The following SRCIN1 variants were observed in gnomAD, a reference collection of about 807,000 sequenced individuals.
SRCIN1 encodes SRC kinase signaling inhibitor 1.
A neutral mutation model predicts 116.2 loss-of-function variants in SRCIN1; 50 were observed. The observed-to-expected ratio is 0.43, with a 90% CI of 0.34 to 0.54. SRCIN1 has a LOEUF of 0.54. SRCIN1 is among the 20% of genes least tolerant of loss of function. The pLI, the probability that SRCIN1 is intolerant of heterozygous loss-of-function variation, is 0.02. For synonymous variants in SRCIN1, 736 were observed against 750.0 expected (o/e 0.98, Z 0.30); for missense variants, 1,446 against 1,672.0 (o/e 0.86, Z 2.36).
chr17:38,596,206 G>T (rs913035244), intron 1 of SRCIN1, among the ~76,000 whole-genome samples: 1 of 152,244 alleles, frequency 6.6e-6, no homozygotes, highest in African/African-American at 2.4e-5. Flanking sequence ...GCTGGAGAGA[G>T]GAGGGGGCCG....
At chr17:38,587,938 CT>C (rs142051282) in intron 1 of SRCIN1, among the ~76,000 whole-genome samples, 4,368 of 152,194 alleles carry the variant, frequency 0.029, 227 homozygotes, top group African/African-American at 0.098. Context: ...TGCCCCTCCT[CT>C]TTCACACACA....
chr17:38,533,179 G>C lies in SRCIN1; in HGVS notation c.*118C>G. On this transcript the variant is annotated 3_prime_UTR_variant, in exon 19 of 19. Coordinates refer to ENST00000617146, the MANE Select transcript of SRCIN1 (RefSeq NM_025248.3). ...AGGAGGGCCGCACCCTCCTCTTCAG[G>C]GCACACCCCTCAGGGCGTCTGGAGA... is the stretch of plus-strand genomic sequence containing the variant. 2 of 1,350,138 alleles carry C rather than the reference G, an allele frequency of 1.5e-6. No homozygotes were observed. Among genetic ancestry groups the C allele is most frequent in the South Asian group, 3.2e-5 (2 of 63,230 alleles). 83.6% of individuals were successfully genotyped at this position (1,350,138 alleles called of 1,614,324 possible). A position where few individuals can be genotyped will look rare whatever the true frequency, so the allele number is the denominator to read the frequency against.
chr17:38,537,343 A>C (rs1904450632), intron 18 of SRCIN1, among the ~76,000 whole-genome samples: 1 of 151,894 alleles, frequency 6.6e-6, no homozygotes, highest in African/African-American at 2.4e-5. Context: ...TCTATCAAAA[A>C]TACAAAAAAT....
In SRCIN1 at chr17:38,585,337, G is replaced by A. The variant is rs1254485591; in HGVS notation, c.23-6546C>T. On this transcript the variant is annotated intron_variant, in intron 1 of 18. Transcript: ENST00000617146. The surrounding 1 kb of genome is among the most constrained non-coding windows in gnomAD (Gnocchi z 4.2). Reference sequence around the variant, plus strand: ...TGCAGCCAATGCTACAGGAGCCCAAGTCAGCCAGGAGGAGCCCCGAGGCAC... The same window carrying A: ...TGCAGCCAATGCTACAGGAGCCCAAATCAGCCAGGAGGAGCCCCGAGGCAC... Among the ~76,000 whole-genome samples the A allele has an allele frequency of 1.3e-5, 2 of 152,270 alleles. No homozygotes were observed. Among genetic ancestry groups the A allele is most frequent in the African/African-American group, 4.8e-5 (2 of 41,476 alleles).
At chr17:38,575,214 A>G (rs1300832699) in intron 2 of SRCIN1, among the ~76,000 whole-genome samples, 4 of 152,176 alleles carry the variant, frequency 2.6e-5, no homozygotes, top group Admixed American at 2.6e-4. Context: ...AGCCCAGGGC[A>G]GGGCCTTCCC....
At chr17:38,560,567 A>C in intron 7 of SRCIN1, 142 bp from the exon 8 acceptor site, 1 of 670,188 alleles carries the variant, frequency 1.5e-6, no homozygotes, top group Non-Finnish European at 2.6e-6. Flanking sequence ...AAGGGCCCCA[A>C]TGCCTAAGGA....
At chr17:38,595,437 C>T (rs539546061) in intron 1 of SRCIN1, among the ~76,000 whole-genome samples, 1 of 152,254 alleles carries the variant, frequency 6.6e-6, no homozygotes, top group East Asian at 1.9e-4. Flanking sequence ...AGGCTGGTCT[C>T]GAACTCCTGA....
At chr17:38,543,616 G>A (rs1280595361) in intron 18 of SRCIN1, among the ~76,000 whole-genome samples, 1 of 152,188 alleles carries the variant, frequency 6.6e-6, no homozygotes, top group Non-Finnish European at 1.5e-5. Context: ...GAACTCATGT[G>A]CTAATCTAGA....
chr17:38,597,681 C>G (rs1029767612), intron 1 of SRCIN1, among the ~76,000 whole-genome samples: 1 of 152,182 alleles, frequency 6.6e-6, no homozygotes, highest in Non-Finnish European at 1.5e-5. Flanking sequence ...GACTGTAGAC[C>G]CTAAGCTCTT....
In SRCIN1 at chr17:38,578,813, C is replaced by T. The variant is rs1318248299; in HGVS notation, c.23-22G>A. ...GGATCTGCGAGAGGTGAGAGGGGCA[C>T]GGCTGGGTCACGGCGCGCCCGGCCT... is the stretch of plus-strand genomic sequence containing the variant. On this transcript the variant is annotated intron_variant, in intron 1 of 18. Transcript: ENST00000617146. The T allele has an allele frequency of 1.4e-5, 21 of 1,461,828 alleles. No individual in the cohort carries two copies. The South Asian group carries it at 2.5e-4, about 17-fold the overall frequency. The allele number at this position is 1,461,828 out of a possible 1,614,324, so 90.6% of individuals were successfully genotyped here. A position where few individuals can be genotyped will look rare whatever the true frequency, so the allele number is the denominator to read the frequency against.
chr17:38,606,193 A>G (rs975202515), upstream of SRCIN1, among the ~76,000 whole-genome samples: 1 of 151,392 alleles, frequency 6.6e-6, no homozygotes, highest in Non-Finnish European at 1.5e-5. The surrounding 1 kb of genome is among the most constrained non-coding windows in gnomAD (Gnocchi z 5.2). Flanking sequence ...GTCCCACCCC[A>G]AGTAGTCTTC....
Position 38,578,769 on chromosome 17 carries a change from G to C in SRCIN1, c.45C>G (p.Pro15=), listed in dbSNP as rs1255437268. ...PSQDPERSSP[P]MLSADDAEYP... Reference sequence around the variant, plus strand: ...ACTCCGCATCGTCCGCAGACAGCATGGGGGGGCTGCTCCGCTCCGGATCTG... The same window carrying C: ...ACTCCGCATCGTCCGCAGACAGCATCGGGGGGCTGCTCCGCTCCGGATCTG... The change falls in exon 2 of 19, where the codon CCC becomes CCG. Residue 15 remains proline, a synonymous_variant. Coordinates refer to ENST00000617146, the MANE Select transcript of SRCIN1 (RefSeq NM_025248.3). 32 of 1,513,352 alleles carry C rather than the reference G, an allele frequency of 2.1e-5. No individual in the cohort carries two copies. In the East Asian group the frequency reaches 6.4e-4, roughly 30 times the overall value. 93.7% of individuals were successfully genotyped at this position (1,513,352 alleles called of 1,614,324 possible).
chr17:38,595,920 C>T (rs1178354494), intron 1 of SRCIN1, among the ~76,000 whole-genome samples: 9 of 152,252 alleles, frequency 5.9e-5, no homozygotes, highest in African/African-American at 2.2e-4. Flanking sequence ...CTGCTGCCCC[C>T]TCCCCTGGCA....
Position 38,604,414 on chromosome 17 carries a change from CACA to C in SRCIN1, c.22+1267_22+1269del, listed in dbSNP as rs1909232249. ...GGGGTGCTGCAGGACCTCCTTGTCC[CACA>C]ACATTTGAGGAGGGGGGCTGGGAAG... is the stretch of plus-strand genomic sequence containing the variant. On this transcript the variant is annotated intron_variant, in intron 1 of 18. Transcript: ENST00000617146. The surrounding 1 kb of genome is among the most constrained non-coding windows in gnomAD (Gnocchi z 4.3). 1 of 401,362 alleles carries C rather than the reference CACA, an allele frequency of 2.5e-6. No individual in the cohort carries two copies. The allele number at this position is 401,362 out of a possible 1,614,324, so 24.9% of individuals were successfully genotyped here.
rs1218176940 is a variant in SRCIN1, at chr17:38,578,454, G to GGCCGCGGCCGCA, written c.324+35_324+36insTGCGGCCGCGGC. The GGCCGCGGCCGCA allele has an allele frequency of 2.0e-6, 3 of 1,528,290 alleles. No homozygotes were observed. In the African/African-American group the frequency reaches 4.3e-5, roughly 22 times the overall value. 94.7% of individuals were successfully genotyped at this position (1,528,290 alleles called of 1,614,324 possible). On this transcript the variant is annotated intron_variant, in intron 2 of 18. Coordinates refer to ENST00000617146, the MANE Select transcript of SRCIN1 (RefSeq NM_025248.3). ...ACCTCCTCCCCTGCCCGCTGGCCGC[G>GGCCGCGGCCGCA]GCCGCAGCCGCAGCCGCAGCCGGGA...
rs2047675973 is a variant in SRCIN1, at chr17:38,564,279, G to C, written c.380C>G (p.Pro127Arg). The change falls in exon 4 of 19, where the codon CCC (proline) becomes CGC (arginine). Residue 127 changes from proline to arginine, a missense_variant. Coordinates refer to ENST00000617146, the MANE Select transcript of SRCIN1 (RefSeq NM_025248.3). ...CTTTGCCGCCTGGTCTGCCAGCCCGGGCTGGGCTCCCTGAGTGTGGCGTGA... is the reference window on the plus strand; with the variant it reads ...CTTTGCCGCCTGGTCTGCCAGCCCGCGCTGGGCTCCCTGAGTGTGGCGTGA... ...RSSRHTQGAQ[P>R]GLADQAAKLS... 5 of 1,571,714 alleles carry C rather than the reference G, an allele frequency of 3.2e-6. 1 individual carries two copies. The highest frequency in any genetic ancestry group is 2.3e-5 in the South Asian group (2 of 85,914).
chr17:38,540,247 G>C (rs1314201693), intron 18 of SRCIN1, among the ~76,000 whole-genome samples: 1 of 152,058 alleles, frequency 6.6e-6, no homozygotes. Flanking sequence ...ACTACTCTGT[G>C]GGGTCAGGCA....
Position 38,560,110 on chromosome 17 carries a change from G to GA in SRCIN1, c.1794-14dup, listed in dbSNP as rs774884828. The GA allele has an allele frequency of 1.9e-6, 3 of 1,542,702 alleles. No individual in the cohort carries two copies. The highest frequency in any genetic ancestry group is 1.7e-6 in the Non-Finnish European group (2 of 1,143,806). On this transcript the variant is annotated splice_polypyrimidine_tract_variant and intron_variant, in intron 8 of 18. Transcript: ENST00000617146. The stretch of plus-strand genomic sequence containing the variant: ...TTCAATCTTCTCGCTGTGGCACAGG[G>GA]AAAAAAGCCATCAGGGGGTCCAGGC...
chr17:38,541,977 G>C (rs1434865281), intron 18 of SRCIN1: 1 of 152,410 alleles, frequency 6.6e-6, no homozygotes, highest in Non-Finnish European at 1.5e-5. Flanking sequence ...ACCCAGAAAG[G>C]AGCCCAGAGG....
Sources: gnomAD v4.1 joint callset for allele counts (sites outside exome capture counted in the v4.1 genomes callset) on GRCh38, gnomAD v4.1.1 for gene constraint, Gnocchi (gnomAD v3.1) non-coding constraint, MANE v1.5 for transcripts, NCBI Gene and HGNC (gene_info 2026-07-23, HGNC 2026-07-21) for gene names.